The following SCNN1A variants were observed in gnomAD, a reference collection of about 807,000 sequenced individuals.
SCNN1A encodes the protein epithelial sodium channel subunit alpha.
SCNN1A carries 65 observed loss-of-function variants against 68.6 expected under a neutral mutation model. That is an observed-to-expected ratio of 0.95 (90% CI 0.78 to 1.16). The LOEUF (loss-of-function observed/expected upper bound fraction) is 1.16, where lower values mean the gene tolerates loss of function less well. SCNN1A is among the 50% of genes most tolerant of loss of function. The pLI is 0.00. For synonymous variants in SCNN1A, 357 were observed against 353.3 expected, an observed-to-expected ratio of 1.01 and a Z score of -0.12; for missense variants, 880 against 865.9, an observed-to-expected ratio of 1.02 and a Z score of -0.20.
At chr12:6,364,230 C>G (rs930544636) in intron 2 of SCNN1A, 3 of 152,474 alleles carry the variant, frequency 2.0e-5, no homozygotes, top group Non-Finnish European at 4.4e-5. Flanking sequence ...CACCCCGCCT[C>G]CCTCCTCCAA....
chr12:6,363,406 A>C (rs1025138055), intron 3 of SCNN1A, 37 bp downstream of exon 3: 2 of 1,478,720 alleles, frequency 1.4e-6, no homozygotes, highest in Non-Finnish European at 1.8e-6. Flanking sequence ...GGGGCCGGCG[A>C]GGGGCGGGGC....
Position 6,369,273 on chromosome 12 carries a change from G to A in SCNN1A, c.416+5095C>T, listed in dbSNP as rs143772326. On this transcript the variant is annotated intron_variant, in intron 2 of 12. Coordinates refer to ENST00000228916, the MANE Select transcript of SCNN1A (RefSeq NM_001038.6). ...CCTCCTCCATGCTGCCACCCTACAC[G>A]CCTCCCTCCTGCCACCCTACTCACC... Among the ~76,000 whole-genome samples, 70 of 125,560 alleles carry A rather than the reference G, an allele frequency of 5.6e-4. No homozygotes were observed. The South Asian group carries it at 8.3e-3, about 15-fold the overall frequency. The allele number at this position is 125,560 out of a possible 152,430, so 82.4% of individuals were successfully genotyped here.
chr12:6,375,174 A>T lies in SCNN1A; in HGVS notation c.-55+331T>A, dbSNP rs1267339189. Reference sequence around the variant, plus strand: ...CTTCCTTTGGTCTTCTTCCTCCAGGATCTGTGTCTCAGCTCCTGCCTCTCA... The same window carrying T: ...CTTCCTTTGGTCTTCTTCCTCCAGGTTCTGTGTCTCAGCTCCTGCCTCTCA... On this transcript the variant is annotated intron_variant, in intron 1 of 12. Transcript: ENST00000228916. The T allele has an allele frequency of 2.7e-6, 4 of 1,455,524 alleles. No individual in the cohort carries two copies. The Admixed American group carries it at 9.9e-5, about 36-fold the overall frequency. 90.2% of individuals were successfully genotyped at this position (1,455,524 alleles called of 1,614,324 possible). A position where few individuals can be genotyped will look rare whatever the true frequency, so the allele number is the denominator to read the frequency against.
chr12:6,363,569 G>T lies in SCNN1A; in HGVS notation c.558C>A (p.His186Gln), dbSNP rs1417959525. The change falls in exon 3 of 13, where the codon CAC becomes CAA. Residue 186 changes from histidine to glutamine, a missense_variant. Physicochemically the swap from His to Gln is conservative, Grantham distance 24 (BLOSUM62 0). Around this residue, in one of 3 missense-constraint regions of SCNN1A, gnomAD observed 758 missense variants for 721.8 expected, o/e 1.05. Coordinates refer to ENST00000228916, the MANE Select transcript of SCNN1A (RefSeq NM_001038.6). ...GCGGGACCCTCAGGCGCTGCAAGGG[G>T]TGCGGCAGAGTCCCCCGCAGGTCGC... ...SRRDLRGTLP[H>Q]PLQRLRVPPP... The T allele has an allele frequency of 8.7e-6, 14 of 1,611,500 alleles. No individual in the cohort carries two copies. Among genetic ancestry groups the T allele is most frequent in the African/African-American group, 1.3e-5 (1 of 74,876 alleles).
rs1274926608 is a variant in SCNN1A, at chr12:6,355,257, A to G, written c.1143+15T>C. 4.3e-6 allele frequency: 7 copies of G among 1,610,020 alleles called. No individual in the cohort carries two copies. The African/African-American group carries it at 8.0e-5, about 18-fold the overall frequency. ...CTGAGGCGCTCCTTCCAGGCCTCCC[A>G]GTCAGCATCCTTGCCTTCCTCATGC... On this transcript the variant is annotated intron_variant, in intron 6 of 12. Transcript: ENST00000228916.
In SCNN1A at chr12:6,375,096, A is replaced by C. The variant is rs1592089967; in HGVS notation, c.-54-259T>G. On this transcript the variant is annotated intron_variant, in intron 1 of 12. Coordinates refer to ENST00000228916, the MANE Select transcript of SCNN1A (RefSeq NM_001038.6). ...GAACGGCCTCTCCTCTGCTTCCCTG[A>C]TAGGGCCACCTTTCGAGTTTTGTCC... 7 of 1,512,638 alleles carry C rather than the reference A, an allele frequency of 4.6e-6. No homozygotes were observed. The East Asian group carries it at 1.7e-4, about 37-fold the overall frequency. The allele number at this position is 1,512,638 out of a possible 1,614,324, so 93.7% of individuals were successfully genotyped here.
rs55859427 is a variant in SCNN1A at position 6,363,587 on chromosome 12, C to A, written c.540G>T (p.Leu180=). 0.027 allele frequency: 43,178 copies of A among 1,611,956 alleles called. 731 individuals are homozygous for A. The highest frequency in any genetic ancestry group is 0.032 in the Non-Finnish European group (37,737 of 1,179,056). The change falls in exon 3 of 13, where the codon CTG becomes CTT. Residue 180 remains leucine, a synonymous_variant. Transcript: ENST00000228916. ...GCAAGGGGTGCGGCAGAGTCCCCCG[C>A]AGGTCGCGACGGCTGCGGGAGCCGG... ...LVAGSRSRRD[L]RGTLPHPLQR... is the part of the protein sequence containing the mutation.
At chr12:6,375,469 G>C in intron 1 of SCNN1A, 36 bp downstream of exon 1, 1 of 1,535,564 alleles carries the variant, frequency 6.5e-7, no homozygotes, top group Non-Finnish European at 8.7e-7. Flanking sequence ...TTCCTTTCCA[G>C]TTGAATCTGG....
intron 2 of SCNN1A, among the ~76,000 whole-genome samples, chr12:6,369,059 C>T (rs1470621335): frequency 1.3e-5 from 2 of 152,156 alleles, no homozygotes; most frequent in Non-Finnish European, 2.9e-5. Flanking sequence ...CCAGATCCCC[C>T]ACTTGCCTGG....
At chr12:6,353,558 G>A (rs1458341465) in intron 8 of SCNN1A, among the ~76,000 whole-genome samples, 1 of 151,662 alleles carries the variant, frequency 6.6e-6, no homozygotes, top group African/African-American at 2.4e-5. Flanking sequence ...TCTGCTGCAG[G>A]TTGTTTTTAT....
Position 6,354,549 on chromosome 12 carries a change from T to C in SCNN1A, c.1249A>G (p.Ile417Val), listed in dbSNP as rs1948460055. 31 of 1,611,598 alleles carry C rather than the reference T, an allele frequency of 1.9e-5. No individual in the cohort carries two copies. Among genetic ancestry groups the C allele is most frequent in the Non-Finnish European group, 2.6e-5 (31 of 1,178,026 alleles). The change falls in exon 8 of 13, where the codon ATT becomes GTT. Residue 417 changes from isoleucine to valine, a missense_variant. Ile to Val is a conservative substitution (Grantham distance 29). Transcript: ENST00000228916. ...ATGCTCTCCTGGAAGCAGGAGTGAATACACACCTGGAAGGGAGGAGGGTGG... is the reference window on the plus strand; with the variant it reads ...ATGCTCTCCTGGAAGCAGGAGTGAACACACACCTGGAAGGGAGGAGGGTGG... The part of the protein sequence containing the change: ...YPSKYTQQVC[I>V]HSCFQESMIK...
chr12:6,365,418 C>T (rs774273524), intron 2 of SCNN1A, among the ~76,000 whole-genome samples: 2 of 152,102 alleles, frequency 1.3e-5, no homozygotes, highest in Non-Finnish European at 2.9e-5. Context: ...AAAAGAAGAG[C>T]CAAGTTGGAA....
In SCNN1A at chr12:6,351,454, T is replaced by C. The variant is rs1257100046; in HGVS notation, c.1361-2049A>G. ...CTGACCAATATGGTGAAACCCCATC[T>C]CTACTAAAAAATACAAAAATTAGCT... On this transcript the variant is annotated intron_variant, in intron 8 of 12. Coordinates refer to ENST00000228916, the MANE Select transcript of SCNN1A (RefSeq NM_001038.6). The surrounding 1 kb of genome is among the most constrained non-coding windows in gnomAD (Gnocchi z 4.2). Among the ~76,000 whole-genome samples the C allele has an allele frequency of 6.6e-6, 1 of 152,088 alleles. No individual in the cohort carries two copies. The highest frequency in any genetic ancestry group is 1.5e-5 in the Non-Finnish European group (1 of 68,026).
rs769880079 is a variant in SCNN1A at position 6,347,962 on chromosome 12, G to T, written c.1921C>A (p.Pro641Thr). The T allele has an allele frequency of 6.4e-7, 1 of 1,565,662 alleles. No homozygotes were observed. Residue 641 changes from proline to threonine, a missense_variant, in exon 13 of 13, where the codon CCC (proline) becomes ACC (threonine). This residue lies in a region of SCNN1A where 758 missense variants were observed against 721.8 expected (regional missense o/e 1.05). Coordinates refer to ENST00000228916, the MANE Select transcript of SCNN1A (RefSeq NM_001038.6). ...PAPSPALTAP[P>T]PAYATLGPRP... is the part of the protein sequence containing the mutation. ...GGGCCCAGGGTGGCATAGGCAGGGG[G>T]AGGGGCTGTCAAGGCTGGAGAGGGA... is the stretch of plus-strand genomic sequence containing the variant.
intron 2 of SCNN1A, among the ~76,000 whole-genome samples, chr12:6,371,538 T>G (rs938788838): frequency 0.027 from 896 of 32,646 alleles, no homozygotes; most frequent in Middle Eastern, 0.19. Flanking sequence ...GGGCGGGGGG[T>G]GGGGGTGAGG....
chr12:6,351,507 G>C lies in SCNN1A; in HGVS notation c.1361-2102C>G, dbSNP rs1330988883. Among the ~76,000 whole-genome samples the C allele has an allele frequency of 6.6e-6, 1 of 151,978 alleles. No homozygotes were observed. Among genetic ancestry groups the C allele is most frequent in the African/African-American group, 2.4e-5 (1 of 41,360 alleles). On this transcript the variant is annotated intron_variant, in intron 8 of 12. Coordinates refer to ENST00000228916, the MANE Select transcript of SCNN1A (RefSeq NM_001038.6). This position sits in a 1 kb window ranked among gnomAD's most constrained non-coding sequence, Gnocchi z 4.2. ...GCTTGGCAGCATGCGCCTGTATGTA[G>C]TCCCAGGTACTCGGGAAGCTGAGAC...
chr12:6,348,024 T>G lies in SCNN1A; in HGVS notation c.1859A>C (p.His620Pro), dbSNP rs1592057950. ...ASSPPSHFCP[H>P]PMSLSLSQPG... ...CTGGGACAAGGACAGAGACATGGGG[T>G]GGGGGCAGAAGTGGGAAGGAGGGGA... is the stretch of plus-strand genomic sequence containing the variant. The change falls in exon 13 of 13, where the codon CAC becomes CCC. Residue 620 changes from histidine (H) to proline (P), a missense_variant. By Grantham distance (77) the His-to-Pro change is moderately conservative (BLOSUM62 -2). Transcript: ENST00000228916. 1 of 1,598,298 alleles carries G rather than the reference T, an allele frequency of 6.3e-7. No homozygotes were observed. The highest frequency in any genetic ancestry group is 8.5e-7 in the Non-Finnish European group (1 of 1,172,314).
chr12:6,361,136 C>T (rs2136880147), intron 4 of SCNN1A, among the ~76,000 whole-genome samples: 1 of 152,308 alleles, frequency 6.6e-6, no homozygotes, highest in South Asian at 2.1e-4. Flanking sequence ...GTCCAAATGC[C>T]TAGAACAGTG....
Position 6,354,572 on chromosome 12 carries a change from TGGAGA to T in SCNN1A, c.1243-22_1243-18del. On this transcript the variant is annotated intron_variant, in intron 7 of 12. Coordinates refer to ENST00000228916, the MANE Select transcript of SCNN1A (RefSeq NM_001038.6). ...AATACACACCTGGAAGGGAGGAGGG[TGGAGA>T]GGAGAGGGGGTTCAGGCCTGAACTC... is the stretch of plus-strand genomic sequence containing the variant. 1 of 1,586,642 alleles carries T rather than the reference TGGAGA, an allele frequency of 6.3e-7. No homozygotes were observed.
Sources: allele counts gnomAD v4.1 joint callset (sites outside exome capture counted in the v4.1 genomes callset), GRCh38; gene constraint gnomAD v4.1.1; regional missense constraint gnomAD v4.1.1; non-coding constraint Gnocchi (gnomAD v3.1); transcripts MANE v1.5; gene names NCBI Gene and HGNC (gene_info 2026-07-23, HGNC 2026-07-21).